USH2A: variants seen among roughly 807,000 people sequenced by gnomAD.
USH2A encodes Usher syndrome 2A (autosomal recessive, mild).
Under a neutral mutation model 538.9 loss-of-function variants are expected in USH2A, and 443 were observed. The observed-to-expected ratio is 0.82, with a 90% CI of 0.76 to 0.89. The LOEUF is 0.89. Ranked by LOEUF, USH2A falls within the 40% of genes least tolerant of loss-of-function variation. USH2A has a pLI of 0.00. For missense variants in USH2A, 6,633 were observed against 6,324.8 expected, an observed-to-expected ratio of 1.05 and a Z score of -1.65; for synonymous variants, 2,413 against 2,273.5, an observed-to-expected ratio of 1.06 and a Z score of -1.75.
chr1:215,984,709 A>G (rs1164769003), intron 35 of USH2A, among the ~76,000 whole-genome samples: 1 of 152,236 alleles, frequency 6.6e-6, no homozygotes, highest in Non-Finnish European at 1.5e-5. Flanking sequence ...AATTGTGTTT[A>G]CTGTAAGAAT....
At chr1:216,003,096 C>A (rs151320844) in intron 32 of USH2A, among the ~76,000 whole-genome samples, 301 of 152,066 alleles carry the variant, frequency 2.0e-3, no homozygotes, top group African/African-American at 7.0e-3. Context: ...TGGGAAGTGT[C>A]CGTTTCTATA....
rs183696100 is a variant in USH2A at position 216,076,738 on chromosome 1, T to C, written c.5572+1351A>G. 1.9e-3 allele frequency among the ~76,000 whole-genome samples: 291 copies of C among 152,290 alleles called. 1 individual carries two copies. Among genetic ancestry groups the C allele is most frequent in the African/African-American group, 6.7e-3 (278 of 41,574 alleles). On this transcript the variant is annotated intron_variant, in intron 27 of 71. Transcript: ENST00000307340. ...CCTTACTACTACCCTTCTAAAAGTC[T>C]CCTAAGAGCTTGCCATATATTTTCT... is the stretch of plus-strand genomic sequence containing the variant.
intron 13 of USH2A, among the ~76,000 whole-genome samples, chr1:216,235,628 C>T (rs1253480615): frequency 2.6e-5 from 4 of 152,264 alleles, no homozygotes; most frequent in Admixed American, 6.5e-5. Flanking sequence ...TCTCCTGCAG[C>T]GGCTATTTGC....
At chr1:216,295,268 G>T (rs1346418090) in intron 9 of USH2A, among the ~76,000 whole-genome samples, 1 of 151,634 alleles carries the variant, frequency 6.6e-6, no homozygotes, top group African/African-American at 2.4e-5. Flanking sequence ...TTGACCTATT[G>T]AATTGATAAA....
intron 37 of USH2A, among the ~76,000 whole-genome samples, chr1:215,951,085 C>T (rs989301695): frequency 3.3e-5 from 5 of 151,934 alleles, no homozygotes; most frequent in African/African-American, 9.7e-5. Flanking sequence ...TTATTTCTTG[C>T]CTTCTGCTAG....
chr1:215,858,404 C>T lies in USH2A; in HGVS notation c.8845+8603G>A, dbSNP rs116054213. On this transcript the variant is annotated intron_variant, in intron 44 of 71. Coordinates refer to ENST00000307340, the MANE Select transcript of USH2A (RefSeq NM_206933.4). ...ATTGGATTACGGGGGTGGTTTCCCC[C>T]ACGCTGTTCTCATGATAGTGAGTTC... 4.3e-3 allele frequency among the ~76,000 whole-genome samples: 647 copies of T among 151,164 alleles called. 3 individuals are homozygous for T. The highest frequency in any genetic ancestry group is 0.015 in the African/African-American group (612 of 40,994).
At position 215,674,063 on chromosome 1, in the gene USH2A, T is replaced by A. The variant is rs554373744; in HGVS notation, c.13811+37A>T. ...GCTCAGGCAATAGAAAGGTCAGCAG[T>A]GGCTTACTCTCAGAAAACCGAGACA... On this transcript the variant is annotated intron_variant, in intron 63 of 71. Transcript: ENST00000307340. The A allele has an allele frequency of 5.0e-6, 8 of 1,613,666 alleles. No homozygotes were observed. The East Asian group carries it at 1.6e-4, about 31-fold the overall frequency.
intron 38 of USH2A, among the ~76,000 whole-genome samples, chr1:215,931,568 T>C (rs1466894474): frequency 1.3e-5 from 2 of 152,022 alleles, no homozygotes; most frequent in Admixed American, 1.3e-4. Context: ...CATTGGACAG[T>C]GGTGTACAGA....
chr1:215,628,094 G>C (rs1656124528), intron 71 of USH2A, among the ~76,000 whole-genome samples: 1 of 152,106 alleles, frequency 6.6e-6, no homozygotes, highest in African/African-American at 2.4e-5. Flanking sequence ...GTTTTGGAAA[G>C]CAACCATGTT....
intron 11 of USH2A, among the ~76,000 whole-genome samples, chr1:216,277,663 G>A (rs1428390792): frequency 1.3e-5 from 2 of 152,108 alleles, no homozygotes; most frequent in South Asian, 4.1e-4. Context: ...GTACACAAAT[G>A]TAGCTGCAAA....
chr1:216,394,741 CAG>C (rs2039176049), intron 3 of USH2A, among the ~76,000 whole-genome samples: 2 of 21,576 alleles, frequency 9.3e-5, no homozygotes, highest in South Asian at 5.6e-3. Flanking sequence ...TTTTTTGAGA[CAG>C]AGTCTCGCTC....
rs187030122 is a variant in USH2A at position 216,127,004 on chromosome 1, G to T, written c.4628-29791C>A. On this transcript the variant is annotated intron_variant, in intron 21 of 71. Coordinates refer to ENST00000307340, the MANE Select transcript of USH2A (RefSeq NM_206933.4). ...TATGCCAATGTTTACAAATAGCACT[G>T]CAAAGAAGTAAGCGCAAAGCTTTCG... Among the ~76,000 whole-genome samples, 133 of 152,296 alleles carry T rather than the reference G, an allele frequency of 8.7e-4. 3 individuals are homozygous for T. The highest frequency in any genetic ancestry group is 7.6e-3 in the Admixed American group (116 of 15,290).
intron 44 of USH2A, among the ~76,000 whole-genome samples, chr1:215,864,034 A>G (rs973243493): frequency 6.6e-6 from 1 of 152,190 alleles, no homozygotes; most frequent in African/African-American, 2.4e-5. Context: ...TTTTCTGGCC[A>G]CAACTGACTT....
At chr1:215,958,501 C>T (rs1360487854) in intron 37 of USH2A, among the ~76,000 whole-genome samples, 2 of 152,112 alleles carry the variant, frequency 1.3e-5, no homozygotes, top group Non-Finnish European at 2.9e-5. Context: ...GGGGATTTAT[C>T]CCAAAGAGCA....
At chr1:215,943,951 T>A (rs1452722815) in intron 37 of USH2A, among the ~76,000 whole-genome samples, 1 of 152,216 alleles carries the variant, frequency 6.6e-6, no homozygotes, top group East Asian at 1.9e-4. Flanking sequence ...TACTGTTTGT[T>A]AACATTGGTT....
chr1:215,913,978 T>G (rs1665881438), intron 38 of USH2A, among the ~76,000 whole-genome samples: 1 of 150,046 alleles, frequency 6.7e-6, no homozygotes, highest in Non-Finnish European at 1.5e-5. Flanking sequence ...AATATAAAAC[T>G]CAAGAAAACA....
At chr1:216,327,520 G>A in intron 5 of USH2A, 71 bp downstream of exon 5, 1 of 1,528,622 alleles carries the variant, frequency 6.5e-7, no homozygotes, top group Non-Finnish European at 9.1e-7. Context: ...AATCTACATA[G>A]TATTCTTATT....
At chr1:216,407,104 C>G (rs543851661) in intron 3 of USH2A, among the ~76,000 whole-genome samples, 85 of 152,080 alleles carry the variant, frequency 5.6e-4, no homozygotes, top group African/African-American at 1.9e-3. Context: ...TTTTCTTGCT[C>G]TCTTCTGTCC....
chr1:216,134,021 C>T (rs972499027), intron 21 of USH2A, among the ~76,000 whole-genome samples: 6 of 152,050 alleles, frequency 3.9e-5, no homozygotes, highest in African/African-American at 1.4e-4. Flanking sequence ...GATATCTGCT[C>T]TGCATTGTGT....
Sources: allele counts gnomAD v4.1 joint callset (sites outside exome capture counted in the v4.1 genomes callset), GRCh38; gene constraint gnomAD v4.1.1; transcripts MANE v1.5; gene names NCBI Gene and HGNC (gene_info 2026-07-23, HGNC 2026-07-21).